Variants in EVI5 observed in about 807,000 individuals in gnomAD.
EVI5 encodes the protein ecotropic viral integration site 5.
EVI5 carries 73 observed loss-of-function variants against 112.0 expected under a neutral mutation model. That is an observed-to-expected ratio of 0.65 (90% confidence interval 0.54 to 0.79). The LOEUF is 0.79. EVI5 is among the 30% of genes least tolerant of loss of function. The pLI, the probability that EVI5 is intolerant of heterozygous loss-of-function variation, is 0.00. For missense variants in EVI5, 900 were observed against 968.8 expected, an observed-to-expected ratio of 0.93 and a Z score of 0.94; for synonymous variants, 305 against 319.9, an observed-to-expected ratio of 0.95 and a Z score of 0.50.
chr1:92,666,621 G>C (rs1159722422), intron 10 of EVI5, among the ~76,000 whole-genome samples: 4 of 136,396 alleles, frequency 2.9e-5, no homozygotes, highest in Non-Finnish European at 6.4e-5. Flanking sequence ...GGGAGGGGTT[G>C]GGAGGGGAGG....
At chr1:92,682,124 T>C (rs754479430) in intron 9 of EVI5, among the ~76,000 whole-genome samples, 8 of 152,146 alleles carry the variant, frequency 5.3e-5, no homozygotes, top group Admixed American at 2.0e-4. Flanking sequence ...TCACTGGTTT[T>C]CTATTCCTTG....
chr1:92,723,580 T>C (rs890943921), intron 2 of EVI5, among the ~76,000 whole-genome samples: 2 of 152,228 alleles, frequency 1.3e-5, no homozygotes, highest in African/African-American at 2.4e-5. Flanking sequence ...AATCCTGTTA[T>C]CTTCGTAAAC....
At chr1:92,714,745 A>G (rs1246776582) in intron 2 of EVI5, among the ~76,000 whole-genome samples, 2 of 152,086 alleles carry the variant, frequency 1.3e-5, no homozygotes, top group African/African-American at 4.8e-5. Flanking sequence ...ACATGCCATC[A>G]CACCCAGCTA....
At chr1:92,788,710 C>CT (rs1390581484), upstream of EVI5, among the ~76,000 whole-genome samples, 1 of 152,066 alleles carries the variant, frequency 6.6e-6, no homozygotes, top group Admixed American at 6.6e-5. Context: ...AGGAGAACTG[C>CT]TTGAACCCAA....
intron 9 of EVI5, among the ~76,000 whole-genome samples, chr1:92,682,803 C>G (rs1316288753): frequency 6.6e-6 from 1 of 152,192 alleles, no homozygotes; most frequent in African/African-American, 2.4e-5. Flanking sequence ...CTTCAGAGAA[C>G]TACCTGAAAT....
rs187269230 is a variant in EVI5, at chr1:92,751,994, C to T, written c.-81-15367G>A. Among the ~76,000 whole-genome samples the T allele has an allele frequency of 5.0e-3, 759 of 152,072 alleles. 1 individual carries two copies. Among genetic ancestry groups the T allele is most frequent in the Non-Finnish European group, 7.8e-3 (533 of 67,968 alleles). ...TCACGCCACTGCACTCAAGCCTGGG[C>T]GACAGAGAGACACCCTGTCTTAAAA... On this transcript the variant is annotated intron_variant, in intron 1 of 19. Coordinates refer to ENST00000684568, the MANE Select transcript of EVI5 (RefSeq NM_001350197.2).
intron 18 of EVI5, among the ~76,000 whole-genome samples, chr1:92,566,862 A>T (rs970195500): frequency 1.4e-4 from 20 of 141,126 alleles, no homozygotes; most frequent in African/African-American, 5.3e-4. Flanking sequence ...GCTGGGGTGC[A>T]ATGGCACAAT....
At chr1:92,546,412 A>C (rs1261411457) in intron 19 of EVI5, among the ~76,000 whole-genome samples, 1 of 152,182 alleles carries the variant, frequency 6.6e-6, no homozygotes, top group African/African-American at 2.4e-5. Context: ...AAATGAAAAA[A>C]AATAGGCTGG....
intron 14 of EVI5, among the ~76,000 whole-genome samples, chr1:92,631,849 C>T (rs564743953): frequency 5.9e-5 from 9 of 152,246 alleles, no homozygotes; most frequent in African/African-American, 1.9e-4. Context: ...TTTTGAGATA[C>T]GTCCCATTGA....
At chr1:92,684,892 C>G (rs1189242453) in intron 9 of EVI5, among the ~76,000 whole-genome samples, 5 of 152,058 alleles carry the variant, frequency 3.3e-5, no homozygotes, top group African/African-American at 1.2e-4. Context: ...CAAGAGCACC[C>G]AGATTCATAA....
intron 15 of EVI5, among the ~76,000 whole-genome samples, chr1:92,625,507 T>C (rs553751402): frequency 1.3e-5 from 2 of 152,308 alleles, no homozygotes; most frequent in South Asian, 4.1e-4. Flanking sequence ...ATGTATTATA[T>C]AGAACACTTT....
intron 9 of EVI5, among the ~76,000 whole-genome samples, chr1:92,688,119 A>G (rs1264255518): frequency 6.6e-6 from 1 of 152,178 alleles, no homozygotes; most frequent in Non-Finnish European, 1.5e-5. Context: ...AATAGCAAAG[A>G]CTTGGAACCA....
chr1:92,649,460 T>C (rs1278794400), intron 13 of EVI5, among the ~76,000 whole-genome samples: 3 of 152,160 alleles, frequency 2.0e-5, no homozygotes, highest in Non-Finnish European at 4.4e-5. Flanking sequence ...GTCATGAAGA[T>C]TTATCTCTAT....
At chr1:92,636,095 T>A (rs959244947) in intron 14 of EVI5, 107 bp downstream of exon 14, 1 of 892,278 alleles carries the variant, frequency 1.1e-6, no homozygotes, top group African/African-American at 1.7e-5. Context: ...ATGTAAGGCT[T>A]CTAATGTATA....
chr1:92,637,375 T>C (rs2101922459), intron 13 of EVI5, among the ~76,000 whole-genome samples: 1 of 147,554 alleles, frequency 6.8e-6, no homozygotes, highest in South Asian at 2.1e-4. Flanking sequence ...AAGACTCTTG[T>C]CTCAAGAAAA....
At chr1:92,753,000 T>C (rs1680419019) in intron 1 of EVI5, among the ~76,000 whole-genome samples, 1 of 152,088 alleles carries the variant, frequency 6.6e-6, no homozygotes, top group South Asian at 2.1e-4. Flanking sequence ...CAGAGAAGGA[T>C]ACATGACATG....
intron 14 of EVI5, among the ~76,000 whole-genome samples, chr1:92,632,522 T>C (rs1158176134): frequency 6.6e-6 from 1 of 152,120 alleles, no homozygotes; most frequent in Non-Finnish European, 1.5e-5. Flanking sequence ...TAGTTGGTGA[T>C]ATCCCCTTTA....
chr1:92,665,012 T>C (rs778620721), intron 11 of EVI5, among the ~76,000 whole-genome samples: 1 of 152,092 alleles, frequency 6.6e-6, no homozygotes, highest in Non-Finnish European at 1.5e-5. Context: ...CAAGATCATC[T>C]TGGCCAACAT....
intron 14 of EVI5, among the ~76,000 whole-genome samples, chr1:92,632,564 CTCT>C (rs1292310737): frequency 6.6e-6 from 1 of 152,000 alleles, no homozygotes; most frequent in Non-Finnish European, 1.5e-5. Flanking sequence ...TGATTATTCT[CTCT>C]TTTCTTCTTT....
Sources: allele counts gnomAD v4.1 joint callset (sites outside exome capture counted in the v4.1 genomes callset), GRCh38; gene constraint gnomAD v4.1.1; transcripts MANE v1.5; gene names NCBI Gene and HGNC (gene_info 2026-07-23, HGNC 2026-07-21).